The following ZCCHC24 variants were observed in gnomAD, a reference collection of about 807,000 sequenced individuals.
The protein encoded by ZCCHC24 is zinc finger CCHC-type containing 24, also known as zinc finger CCHC domain-containing protein 24.
In ZCCHC24, 10 loss-of-function variants were observed where a neutral mutation model predicts 26.2. The ratio of observed to expected loss-of-function variants is 0.38; its 90% CI spans 0.24 to 0.65. ZCCHC24 has a LOEUF of 0.65. Among genes scored for constraint, ZCCHC24 ranks in the 30% least tolerant of loss-of-function variants. ZCCHC24 has a pLI of 0.54. For missense variants in ZCCHC24, 243 were observed against 329.1 expected (o/e 0.74, Z 2.03); for synonymous variants, 144 against 147.1 (o/e 0.98, Z 0.15).
intron 2 of ZCCHC24, among the ~76,000 whole-genome samples, chr10:79,428,391 TATTTCAGTTTTGCAAGATAA>T (rs1388582241): frequency 0.082 from 8,606 of 105,570 alleles, 646 homozygotes; most frequent in Middle Eastern, 0.14. Flanking sequence ...ATGGGTACAG[TATTTCAGTTTTGCAAGATAA>T]ATTTCAGTTT....
intron 2 of ZCCHC24, among the ~76,000 whole-genome samples, chr10:79,418,995 G>C (rs2132203247): frequency 6.6e-6 from 1 of 152,334 alleles, no homozygotes; most frequent in East Asian, 1.9e-4. Context: ...AAGGCCTTGA[G>C]GCTGAGAAGC....
At chr10:79,399,528 C>T (rs1206827215) in intron 2 of ZCCHC24, among the ~76,000 whole-genome samples, 2 of 152,214 alleles carry the variant, frequency 1.3e-5, no homozygotes, top group Non-Finnish European at 2.9e-5. Context: ...GCTCAGAAAC[C>T]ACTCCTTGTA....
Position 79,390,721 on chromosome 10 carries a change from C to T in ZCCHC24, c.612+3555G>A, listed in dbSNP as rs966536707. ...GGTGGAGGGCCTCCCCCACTCCCTG[C>T]AGCAAGGCAAGGCCCAGTGGTGTTT... On this transcript the variant is annotated intron_variant, in intron 3 of 3. Coordinates refer to ENST00000372336, the MANE Select transcript of ZCCHC24 (RefSeq NM_153367.4). 7.9e-5 allele frequency among the ~76,000 whole-genome samples: 12 copies of T among 152,340 alleles called. No homozygotes were observed. The South Asian group carries it at 1.7e-3, about 21-fold the overall frequency.
At chr10:79,416,221 A>T (rs933354911) in intron 2 of ZCCHC24, among the ~76,000 whole-genome samples, 3 of 152,138 alleles carry the variant, frequency 2.0e-5, no homozygotes, top group Non-Finnish European at 2.9e-5. Context: ...GACAGGATGC[A>T]TATTGCTGGG....
chr10:79,407,432 C>T (rs948289319), intron 2 of ZCCHC24, among the ~76,000 whole-genome samples: 1 of 152,248 alleles, frequency 6.6e-6, no homozygotes, highest in Admixed American at 6.5e-5. Context: ...AGCACACGCT[C>T]TTCTTCGCTC....
chr10:79,429,974 C>T (rs535343402), intron 2 of ZCCHC24, among the ~76,000 whole-genome samples: 2 of 152,194 alleles, frequency 1.3e-5, no homozygotes, highest in African/African-American at 4.8e-5. Context: ...CAGCACCTGC[C>T]CCTGGAGCTA....
chr10:79,394,239 C>CG, intron 3 of ZCCHC24, 37 bp downstream of exon 3: 1 of 1,599,282 alleles, frequency 6.3e-7, no homozygotes, highest in Non-Finnish European at 8.5e-7. Context: ...TGCCCTCCCG[C>CG]GGTCCTTCTG....
chr10:79,434,430 G>C (rs1445260433), intron 1 of ZCCHC24, among the ~76,000 whole-genome samples: 1 of 152,162 alleles, frequency 6.6e-6, no homozygotes, highest in South Asian at 2.1e-4. Flanking sequence ...GGAGCCAATG[G>C]GGGTCAACCT....
chr10:79,407,020 C>T (rs1199594937), intron 2 of ZCCHC24, among the ~76,000 whole-genome samples: 2 of 152,254 alleles, frequency 1.3e-5, no homozygotes, highest in African/African-American at 4.8e-5. Context: ...GGGAAGCCTC[C>T]TTGACCCTTC....
intron 2 of ZCCHC24, among the ~76,000 whole-genome samples, chr10:79,399,406 C>T (rs1856599407): frequency 6.6e-6 from 1 of 152,236 alleles, no homozygotes; most frequent in Admixed American, 6.5e-5. Context: ...GGGCCACCAC[C>T]CGCCCGGCTG....
rs370025190 is a variant in ZCCHC24 at position 79,430,686 on chromosome 10, C to CACCACACACACACACACA, written c.447+1871_447+1872insTGTGTGTGTGTGTGTGGT. 6.9e-3 allele frequency among the ~76,000 whole-genome samples: 973 copies of CACCACACACACACACACA among 140,644 alleles called. 7 individuals are homozygous for CACCACACACACACACACA. Among genetic ancestry groups the CACCACACACACACACACA allele is most frequent in the South Asian group, 0.011 (46 of 4,172 alleles). 92.3% of individuals were successfully genotyped at this position (140,644 alleles called of 152,430 possible). A position where few individuals can be genotyped will look rare whatever the true frequency, so the allele number is the denominator to read the frequency against. ...GTGCACATACACTCACACACACACACCACACACACACACACACACACACAC... is the reference window on the plus strand; with the variant it reads ...GTGCACATACACTCACACACACACACACCACACACACACACACACACACACACACACACACACACACAC... On this transcript the variant is annotated intron_variant, in intron 2 of 3. Coordinates refer to ENST00000372336, the MANE Select transcript of ZCCHC24 (RefSeq NM_153367.4).
intron 2 of ZCCHC24, among the ~76,000 whole-genome samples, chr10:79,408,260 C>T (rs961237018): frequency 3.9e-5 from 6 of 152,174 alleles, no homozygotes; most frequent in East Asian, 1.9e-4. Flanking sequence ...TCTGCCTGCA[C>T]GACTCCTGGC....
chr10:79,441,023 G>C (rs934021419), intron 1 of ZCCHC24, among the ~76,000 whole-genome samples: 1 of 151,322 alleles, frequency 6.6e-6, no homozygotes, highest in Non-Finnish European at 1.5e-5. Context: ...GCATCCTCCC[G>C]AACTCTGGGC....
At chr10:79,428,512 G>C (rs1857078190) in intron 2 of ZCCHC24, among the ~76,000 whole-genome samples, 1 of 134,532 alleles carries the variant, frequency 7.4e-6, no homozygotes, top group Admixed American at 7.5e-5. Context: ...GTGGCTGGAA[G>C]GTGGTGATGG....
chr10:79,382,972 C>T lies in ZCCHC24; in HGVS notation c.*3373G>A, dbSNP rs1856341862. On this transcript the variant is annotated 3_prime_UTR_variant, in exon 4 of 4. Coordinates refer to ENST00000372336, the MANE Select transcript of ZCCHC24 (RefSeq NM_153367.4). ...TGGTTAGTCAAATAAGCTGCTTCTTCCCCTTGCCCACTCCCTGTCCCTCTA... is the reference window on the plus strand; with the variant it reads ...TGGTTAGTCAAATAAGCTGCTTCTTTCCCTTGCCCACTCCCTGTCCCTCTA... 1 of 152,590 alleles carries T rather than the reference C, an allele frequency of 6.6e-6. No individual in the cohort carries two copies. Among genetic ancestry groups the T allele is most frequent in the African/African-American group, 2.4e-5 (1 of 41,452 alleles). 9.5% of individuals were successfully genotyped at this position (152,590 alleles called of 1,614,324 possible). A position where few individuals can be genotyped will look rare whatever the true frequency, so the allele number is the denominator to read the frequency against.
At chr10:79,434,081 G>C (rs946635005) in intron 1 of ZCCHC24, among the ~76,000 whole-genome samples, 1 of 152,200 alleles carries the variant, frequency 6.6e-6, no homozygotes, top group Non-Finnish European at 1.5e-5. Context: ...GGTGCCTCAG[G>C]ACACACGGCT....
chr10:79,437,423 A>T (rs1470756061), intron 1 of ZCCHC24, among the ~76,000 whole-genome samples: 1 of 152,126 alleles, frequency 6.6e-6, no homozygotes, highest in African/African-American at 2.4e-5. Flanking sequence ...GTCCCCTCTT[A>T]CCTGGCAAGA....
intron 2 of ZCCHC24, among the ~76,000 whole-genome samples, chr10:79,400,421 G>A (rs1390934806): frequency 2.6e-5 from 4 of 152,308 alleles, no homozygotes; most frequent in East Asian, 1.9e-4. Context: ...ATTTTTGTTC[G>A]GGGTTTGGGA....
At chr10:79,435,092 T>C (rs1309627302) in intron 1 of ZCCHC24, among the ~76,000 whole-genome samples, 1 of 151,908 alleles carries the variant, frequency 6.6e-6, no homozygotes, top group Non-Finnish European at 1.5e-5. Flanking sequence ...GAAAAGTTCA[T>C]CCAAACAAGA....
Sources: allele counts gnomAD v4.1 joint callset (sites outside exome capture counted in the v4.1 genomes callset), GRCh38; gene constraint gnomAD v4.1.1; transcripts MANE v1.5; gene names NCBI Gene and HGNC (gene_info 2026-07-23, HGNC 2026-07-21).